SCHIP1: variants seen among roughly 807,000 people sequenced by gnomAD.
SCHIP1 encodes schwannomin-interacting protein 1.
SCHIP1 carries 8 observed loss-of-function variants against 29.7 expected under a neutral mutation model. The observed-to-expected ratio is 0.27, with a 90% CI of 0.16 to 0.49. SCHIP1 has a LOEUF of 0.49. SCHIP1 is among the 20% of genes least tolerant of loss of function. The probability of loss-of-function intolerance (pLI) is 0.99; values close to 1 mark genes in which losing one functional copy is unlikely to be tolerated. For missense variants in SCHIP1, 193 were observed against 294.6 expected (o/e 0.66, Z 2.52); for synonymous variants, 76 against 94.9 (o/e 0.80, Z 1.16).
the SCHIP1 span, among the ~76,000 whole-genome samples, chr3:159,726,129 G>T: frequency 1.3e-5 from 2 of 152,238 alleles, no homozygotes; most frequent in African/African-American, 4.8e-5. Flanking sequence ...CTGAATGAAG[G>T]TATATAGTTT....
chr3:159,704,342 G>A, the SCHIP1 span, among the ~76,000 whole-genome samples: 3 of 149,162 alleles, frequency 2.0e-5, no homozygotes, highest in Non-Finnish European at 4.4e-5. Flanking sequence ...GGCTGAGTCA[G>A]GAGAATCACC....
chr3:159,878,008 C>A (rs1312894196), intron 2 of SCHIP1, among the ~76,000 whole-genome samples: 1 of 152,124 alleles, frequency 6.6e-6, no homozygotes, highest in African/African-American at 2.4e-5. Flanking sequence ...TCTTGCTGCC[C>A]ACGGATCTCC....
the SCHIP1 span, among the ~76,000 whole-genome samples, chr3:159,389,855 A>T: frequency 6.6e-6 from 1 of 152,066 alleles, no homozygotes. Flanking sequence ...CTATTTTATA[A>T]CTGAAATGGT....
chr3:159,630,770 A>T, the SCHIP1 span, among the ~76,000 whole-genome samples: 1 of 152,200 alleles, frequency 6.6e-6, no homozygotes, highest in Non-Finnish European at 1.5e-5. Flanking sequence ...GGTACGGTGT[A>T]CACTGCTTGG....
At chr3:159,629,774 C>T in the SCHIP1 span, among the ~76,000 whole-genome samples, 2 of 152,180 alleles carry the variant, frequency 1.3e-5, no homozygotes, top group Non-Finnish European at 2.9e-5. Context: ...TTCCACATTT[C>T]CTTCACTCAA....
chr3:159,389,893 A>G, the SCHIP1 span, among the ~76,000 whole-genome samples: 1 of 152,072 alleles, frequency 6.6e-6, no homozygotes, highest in Admixed American at 6.6e-5. Context: ...ATATTAATGC[A>G]AATGATTCCT....
the SCHIP1 span, chr3:159,763,746 C>T: frequency 2.0e-5 from 3 of 152,280 alleles, no homozygotes; most frequent in Non-Finnish European, 2.9e-5. Flanking sequence ...CCAGGCACAC[C>T]TTTTGGGGAG....
the SCHIP1 span, among the ~76,000 whole-genome samples, chr3:159,623,642 C>T: frequency 6.7e-6 from 1 of 150,050 alleles, no homozygotes; most frequent in East Asian, 1.9e-4. Flanking sequence ...AATAAATAAA[C>T]AAAGAGTTTT....
chr3:159,692,009 C>A, the SCHIP1 span, among the ~76,000 whole-genome samples: 7 of 134,710 alleles, frequency 5.2e-5, no homozygotes, highest in Non-Finnish European at 7.7e-5. Context: ...GTAACCCGAC[C>A]TTTCTTTTTT....
chr3:159,717,619 A>G, the SCHIP1 span, among the ~76,000 whole-genome samples: 1 of 152,246 alleles, frequency 6.6e-6, no homozygotes, highest in African/African-American at 2.4e-5. Context: ...CAAGTAAACT[A>G]GAAAATCCAG....
chr3:159,418,716 G>A, the SCHIP1 span, among the ~76,000 whole-genome samples: 1 of 152,192 alleles, frequency 6.6e-6, no homozygotes, highest in African/African-American at 2.4e-5. Flanking sequence ...AGCTCTGACG[G>A]TCTGGCTTGG....
At chr3:159,454,788 G>A in the SCHIP1 span, among the ~76,000 whole-genome samples, 1 of 152,146 alleles carries the variant, frequency 6.6e-6, no homozygotes, top group Admixed American at 6.5e-5. Flanking sequence ...CTTGTCCAAG[G>A]TCACACAGCA....
At chr3:159,828,427 A>G in the SCHIP1 span, among the ~76,000 whole-genome samples, 1 of 88,698 alleles carries the variant, frequency 1.1e-5, no homozygotes, top group African/African-American at 3.9e-5. Flanking sequence ...ACGTATATAT[A>G]TACGTATATA....
the SCHIP1 span, among the ~76,000 whole-genome samples, chr3:159,311,152 G>A: frequency 1.2e-4 from 18 of 152,070 alleles, no homozygotes; most frequent in Non-Finnish European, 1.9e-4. Context: ...TAATTAACCC[G>A]AAGTGAATCA....
the SCHIP1 span, among the ~76,000 whole-genome samples, chr3:159,388,893 A>C: frequency 6.6e-6 from 1 of 152,162 alleles, no homozygotes; most frequent in Non-Finnish European, 1.5e-5. Context: ...CTCATGCCAT[A>C]TATAAAATAA....
At chr3:159,590,675 C>T in the SCHIP1 span, among the ~76,000 whole-genome samples, 4 of 152,138 alleles carry the variant, frequency 2.6e-5, no homozygotes, top group Non-Finnish European at 5.9e-5. Context: ...GTAGCCTTTT[C>T]AGCTGCATAT....
At chr3:159,536,616 A>G in the SCHIP1 span, among the ~76,000 whole-genome samples, 1 of 152,150 alleles carries the variant, frequency 6.6e-6, no homozygotes, top group East Asian at 1.9e-4. Context: ...AGACTGTGAA[A>G]GTTCTAAGGA....
At chr3:159,506,666 G>A in the SCHIP1 span, among the ~76,000 whole-genome samples, 1 of 152,308 alleles carries the variant, frequency 6.6e-6, no homozygotes, top group East Asian at 1.9e-4. Context: ...AAGGGATCCA[G>A]TTTCAGCTTT....
the SCHIP1 span, among the ~76,000 whole-genome samples, chr3:159,476,158 A>T: frequency 6.6e-6 from 1 of 152,212 alleles, no homozygotes; most frequent in African/African-American, 2.4e-5. Context: ...CTCCTCTCTG[A>T]CCATTCAAAA....
Sources: allele counts gnomAD v4.1 joint callset (sites outside exome capture counted in the v4.1 genomes callset), GRCh38; gene constraint gnomAD v4.1.1; transcripts MANE v1.5; gene names NCBI Gene and HGNC (gene_info 2026-07-23, HGNC 2026-07-21).